The following PPARA variants were observed in gnomAD, a reference collection of about 807,000 sequenced individuals.
PPARA encodes peroxisome proliferator activated receptor alpha, also known as peroxisome proliferator-activated receptor alpha.
PPARA carries 22 observed loss-of-function variants against 42.2 expected under a neutral mutation model. The observed-to-expected ratio is 0.52, with a 90% CI of 0.37 to 0.74. The LOEUF (loss-of-function observed/expected upper bound fraction) is 0.74. PPARA is among the 30% of genes least tolerant of loss of function. PPARA has a pLI of 0.00. For synonymous variants in PPARA, 242 were observed against 239.3 expected (o/e 1.01, Z -0.10); for missense variants, 465 against 608.2 (o/e 0.76, Z 2.48).
chr22:46,223,688 G>A (rs1223447207), intron 7 of PPARA, among the ~76,000 whole-genome samples: 3 of 145,076 alleles, frequency 2.1e-5, no homozygotes, highest in African/African-American at 5.2e-5. Flanking sequence ...TCATGCTTAT[G>A]CCTGTAATCC....
At position 46,236,765 on chromosome 22, in the gene PPARA, C is replaced by CTTCTTCAAATGGCAGTTT. The variant is rs1353206787; in HGVS notation, c.*1387_*1404dup. 6.6e-6 allele frequency: 1 copy of CTTCTTCAAATGGCAGTTT among 152,512 alleles called. No individual in the cohort carries two copies. The highest frequency in any genetic ancestry group is 1.5e-5 in the Non-Finnish European group (1 of 68,044). The allele number at this position is 152,512 out of a possible 1,614,324, so 9.4% of individuals were successfully genotyped here. ...TGCGGATCGAGAGAGGGGGTAGAGT[C>CTTCTTCAAATGGCAGTTT]TTCTTCAAATGGCAGTTTTACTTCA... is the stretch of plus-strand genomic sequence containing the variant. On this transcript the variant is annotated 3_prime_UTR_variant, in exon 9 of 9. Transcript: ENST00000407236. This position sits in a 1 kb window ranked among gnomAD's most constrained non-coding sequence, Gnocchi z 5.2.
intron 4 of PPARA, among the ~76,000 whole-genome samples, chr22:46,208,415 G>A (rs1479860384): frequency 2.0e-5 from 3 of 152,000 alleles, no homozygotes; most frequent in Non-Finnish European, 4.4e-5. Context: ...AGGCGCGGTG[G>A]TACACGCCTA....
At chr22:46,169,682 T>C (rs1414107524) in intron 2 of PPARA, among the ~76,000 whole-genome samples, 1 of 152,070 alleles carries the variant, frequency 6.6e-6, no homozygotes, top group African/African-American at 2.4e-5. Context: ...TTATAGTGTA[T>C]CTATATCTAG....
Position 46,225,282 on chromosome 22 carries a change from T to C in PPARA, c.711+5268T>C, listed in dbSNP as rs1224545944. Reference sequence around the variant, plus strand: ...ATGGGGAAGGGCGCCTCTGGGGAACTCACTGCCCCTTGATTTGAGGGTAAC... The same window carrying C: ...ATGGGGAAGGGCGCCTCTGGGGAACCCACTGCCCCTTGATTTGAGGGTAAC... On this transcript the variant is annotated intron_variant, in intron 7 of 8. Coordinates refer to ENST00000407236, the MANE Select transcript of PPARA (RefSeq NM_005036.6). This position sits in a 1 kb window ranked among gnomAD's most constrained non-coding sequence, Gnocchi z 4.1. 2.0e-5 allele frequency among the ~76,000 whole-genome samples: 3 copies of C among 152,096 alleles called. No individual in the cohort carries two copies. In the East Asian group the frequency reaches 5.8e-4, roughly 29 times the overall value.
intron 4 of PPARA, among the ~76,000 whole-genome samples, chr22:46,207,677 ATTTT>A (rs764662561): frequency 9.3e-4 from 47 of 50,712 alleles, no homozygotes; most frequent in African/African-American, 3.7e-3. Flanking sequence ...TATTATTATT[ATTTT>A]TTTTTTTTTT....
rs568169306 is a variant in PPARA, at chr22:46,242,994, A to G, written c.*7614A>G. 1 of 152,774 alleles carries G rather than the reference A, an allele frequency of 6.5e-6. No homozygotes were observed. The highest frequency in any genetic ancestry group is 1.9e-4 in the East Asian group (1 of 5,196). 9.5% of individuals were successfully genotyped at this position (152,774 alleles called of 1,614,324 possible). A position where few individuals can be genotyped will look rare whatever the true frequency, so the allele number is the denominator to read the frequency against. ...TCTGCTCTTCAGGGAACTGTTACCT[A>G]TGGGTTATTACCAAAGAACGCTGGC... On this transcript the variant is annotated 3_prime_UTR_variant, in exon 9 of 9. Coordinates refer to ENST00000407236, the MANE Select transcript of PPARA (RefSeq NM_005036.6). This position sits in a 1 kb window ranked among gnomAD's most constrained non-coding sequence, Gnocchi z 6.1.
At position 46,182,231 on chromosome 22, in the gene PPARA, A is replaced by G. The variant is rs1930066319; in HGVS notation, c.-43+5395A>G. 1.3e-5 allele frequency among the ~76,000 whole-genome samples: 2 copies of G among 152,204 alleles called. No homozygotes were observed. Among genetic ancestry groups the G allele is most frequent in the Admixed American group, 1.3e-4 (2 of 15,278 alleles). Reference sequence around the variant, plus strand: ...GTATTTGGCCAAGAAAAAAGAAAGCATATATTCCATACAGAGTCTAGTCCT... The same window carrying G: ...GTATTTGGCCAAGAAAAAAGAAAGCGTATATTCCATACAGAGTCTAGTCCT... On this transcript the variant is annotated intron_variant, in intron 3 of 8. Transcript: ENST00000407236. The surrounding 1 kb of genome is among the most constrained non-coding windows in gnomAD (Gnocchi z 5.2).
chr22:46,221,058 C>T lies in PPARA; in HGVS notation c.711+1044C>T, dbSNP rs1601793571. ...AAAAGAGGTTTAATTGGCTCGTGGC[C>T]CACAAGGCTGTACAGGAAGCTTCTG... On this transcript the variant is annotated intron_variant, in intron 7 of 8. Transcript: ENST00000407236. This position sits in a 1 kb window ranked among gnomAD's most constrained non-coding sequence, Gnocchi z 5.9. 7.3e-6 allele frequency among the ~76,000 whole-genome samples: 1 copy of T among 136,642 alleles called. No individual in the cohort carries two copies. The highest frequency in any genetic ancestry group is 7.0e-5 in the Admixed American group (1 of 14,376). The allele number at this position is 136,642 out of a possible 152,430, so 89.6% of individuals were successfully genotyped here. A position where few individuals can be genotyped will look rare whatever the true frequency, so the allele number is the denominator to read the frequency against.
At chr22:46,185,060 T>C (rs1191156305) in intron 3 of PPARA, among the ~76,000 whole-genome samples, 1 of 152,148 alleles carries the variant, frequency 6.6e-6, no homozygotes, top group Non-Finnish European at 1.5e-5. Context: ...TCTGAGAAGT[T>C]ATCCTGAACG....
Position 46,219,740 on chromosome 22 carries a change from C to T in PPARA, c.509-72C>T. The T allele has an allele frequency of 6.9e-7, 1 of 1,458,104 alleles. No homozygotes were observed. The highest frequency in any genetic ancestry group is 1.4e-5 in the African/African-American group (1 of 71,524). 90.3% of individuals were successfully genotyped at this position (1,458,104 alleles called of 1,614,324 possible). On this transcript the variant is annotated intron_variant, in intron 6 of 8. Transcript: ENST00000407236. This position sits in a 1 kb window ranked among gnomAD's most constrained non-coding sequence, Gnocchi z 4.8. ...TTCCTGGTTTAAAGTCCTGGGGGAG[C>T]CCCTCGTCCAGCCCTGTCCGCGCAG... is the stretch of plus-strand genomic sequence containing the variant.
intron 4 of PPARA, among the ~76,000 whole-genome samples, chr22:46,213,081 T>G (rs1934092396): frequency 6.6e-6 from 1 of 152,120 alleles, no homozygotes; most frequent in Admixed American, 6.5e-5. Flanking sequence ...TACCTAAGAG[T>G]GTGATTCCAT....
In PPARA at chr22:46,235,108, CCT is replaced by C. The variant is rs748469410; in HGVS notation, c.1160-16_1160-15del. 8 of 1,613,842 alleles carry C rather than the reference CCT, an allele frequency of 5.0e-6. No homozygotes were observed. The highest frequency in any genetic ancestry group is 5.9e-6 in the Non-Finnish European group (7 of 1,179,780). On this transcript the variant is annotated intron_variant, in intron 8 of 8. Transcript: ENST00000407236. This position sits in a 1 kb window ranked among gnomAD's most constrained non-coding sequence, Gnocchi z 7.0. The stretch of plus-strand genomic sequence containing the variant: ...TTCTTGGGTGATTATCACACTCAAA[CCT>C]CTCTCTCTTCTTTCGAGACTAGATC...
Position 46,203,496 on chromosome 22 carries a change from CCAT to C in PPARA, c.208+4911_208+4913del. On this transcript the variant is annotated intron_variant, in intron 4 of 8. Coordinates refer to ENST00000407236, the MANE Select transcript of PPARA (RefSeq NM_005036.6). This position sits in a 1 kb window ranked among gnomAD's most constrained non-coding sequence, Gnocchi z 5.8. ...TGTACACACACACGCATCTGTGAAA[CCAT>C]CATCACACTCAAAATAGTGATGTAG... Among the ~76,000 whole-genome samples the C allele has an allele frequency of 6.6e-6, 1 of 152,216 alleles. No individual in the cohort carries two copies. The highest frequency in any genetic ancestry group is 1.9e-4 in the East Asian group (1 of 5,190).
chr22:46,179,587 TA>T, intron 3 of PPARA, among the ~76,000 whole-genome samples: 1 of 151,452 alleles, frequency 6.6e-6, no homozygotes, highest in Non-Finnish European at 1.5e-5. Context: ...GATCTGAAGG[TA>T]AAATTTAAAA....
chr22:46,198,339 C>T lies in PPARA; in HGVS notation c.-42-3C>T, dbSNP rs750071356. The stretch of plus-strand genomic sequence containing the variant: ...CTTACCAATTGTTCCTCTTTCCTCC[C>T]AGTAGCTTGGAGCTCGGCGGCACAA... On this transcript the variant is annotated splice_polypyrimidine_tract_variant and splice_region_variant and intron_variant, in intron 3 of 8. Transcript: ENST00000407236. 1.3e-6 allele frequency: 2 copies of T among 1,550,688 alleles called. No individual in the cohort carries two copies. Among genetic ancestry groups the T allele is most frequent in the East Asian group, 2.2e-5 (1 of 44,548 alleles).
chr22:46,215,201 C>A lies in PPARA; in HGVS notation c.237C>A (p.Ser79=). Residue 79 remains serine (S), a synonymous_variant, in exon 5 of 9, where the codon TCC becomes TCA. Transcript: ENST00000407236. ...CGCTTTCACCAGCTTCGAGCCCCTC[C>A]TCGGTGACTTATCCTGTGGTCCCCG... is the stretch of plus-strand genomic sequence containing the variant. ...TDTLSPASSP[S]SVTYPVVPGS... The A allele has an allele frequency of 6.2e-7, 1 of 1,614,146 alleles. No homozygotes were observed. Among genetic ancestry groups the A allele is most frequent in the Non-Finnish European group, 8.5e-7 (1 of 1,180,038 alleles).
intron 2 of PPARA, among the ~76,000 whole-genome samples, chr22:46,172,240 A>G (rs1928173231): frequency 6.6e-6 from 1 of 150,782 alleles, no homozygotes; most frequent in Non-Finnish European, 1.5e-5. Context: ...CTGTGGCAGG[A>G]AGTGAGGAGG....
In PPARA at chr22:46,203,544, G is replaced by T. The variant is rs1013697710; in HGVS notation, c.208+4953G>T. Reference sequence around the variant, plus strand: ...ATGTAGAAATTTTGCTCCTTAGTTCGACTAAATCTGGGTTCTTGTGTCATG... The same window carrying T: ...ATGTAGAAATTTTGCTCCTTAGTTCTACTAAATCTGGGTTCTTGTGTCATG... On this transcript the variant is annotated intron_variant, in intron 4 of 8. Coordinates refer to ENST00000407236, the MANE Select transcript of PPARA (RefSeq NM_005036.6). The surrounding 1 kb of genome is among the most constrained non-coding windows in gnomAD (Gnocchi z 5.8). Among the ~76,000 whole-genome samples, 4 of 152,116 alleles carry T rather than the reference G, an allele frequency of 2.6e-5. No individual in the cohort carries two copies. The highest frequency in any genetic ancestry group is 2.1e-4 in the South Asian group (1 of 4,826).
Position 46,220,014 on chromosome 22 carries a change from A to C in PPARA, c.711A>C (p.Pro237=). 6.2e-7 allele frequency: 1 copy of C among 1,614,008 alleles called. No homozygotes were observed. The highest frequency in any genetic ancestry group is 8.5e-7 in the Non-Finnish European group (1 of 1,180,040). The part of the protein sequence containing the change: ...VILSGKASNN[P]PFVIHDMETL... The stretch of plus-strand genomic sequence containing the variant: ...TCTCAGGAAAGGCCAGTAACAATCC[A>C]GTAGGTGTTTGCGGCTGTTCTGGGT... Residue 237 remains proline, a splice_region_variant and synonymous_variant, in exon 7 of 9, where the codon CCA becomes CCC. Transcript: ENST00000407236.
Sources: gnomAD v4.1 joint callset for allele counts (sites outside exome capture counted in the v4.1 genomes callset) on GRCh38, gnomAD v4.1.1 for gene constraint, Gnocchi (gnomAD v3.1) non-coding constraint, MANE v1.5 for transcripts, NCBI Gene and HGNC (gene_info 2026-07-23, HGNC 2026-07-21) for gene names.